The following MCHR2 variants were observed in gnomAD, a reference collection of about 807,000 sequenced individuals.
MCHR2 encodes the protein melanin concentrating hormone receptor 2.
Under a neutral mutation model 24.8 loss-of-function variants are expected in MCHR2, and 15 were observed. That is an observed-to-expected ratio of 0.60 (90% confidence interval 0.40 to 0.93). MCHR2 has a LOEUF of 0.93. Among genes scored for constraint, MCHR2 ranks in the 40% least tolerant of loss-of-function variants. The pLI, the probability that MCHR2 is intolerant of heterozygous loss-of-function variation, is 0.00. For missense variants in MCHR2, 386 were observed against 408.7 expected, an observed-to-expected ratio of 0.94 and a Z score of 0.48; for synonymous variants, 151 against 147.6, an observed-to-expected ratio of 1.02 and a Z score of -0.17.
chr6:99,971,892 T>C (rs1320930772), intron 1 of MCHR2, among the ~76,000 whole-genome samples: 1 of 152,218 alleles, frequency 6.6e-6, no homozygotes, highest in Non-Finnish European at 1.5e-5. Context: ...GAACCAGCCT[T>C]GCATCCCAGG....
intron 1 of MCHR2, among the ~76,000 whole-genome samples, chr6:99,972,212 G>A (rs1486073774): frequency 6.6e-6 from 1 of 152,172 alleles, no homozygotes; most frequent in African/African-American, 2.4e-5. Context: ...TGGTTGGTAA[G>A]CTATTGATTA....
chr6:99,969,277 C>T (rs1246755294), intron 1 of MCHR2, among the ~76,000 whole-genome samples: 3 of 151,764 alleles, frequency 2.0e-5, no homozygotes, highest in Non-Finnish European at 4.4e-5. Context: ...AGTTCAAGAC[C>T]AGCCTGGCCA....
chr6:99,984,951 C>A (rs1363342744), intron 1 of MCHR2, among the ~76,000 whole-genome samples: 1 of 152,016 alleles, frequency 6.6e-6, no homozygotes, highest in East Asian at 1.9e-4. Flanking sequence ...GAAGAGACTC[C>A]TAGAGTTGAT....
chr6:99,921,357 T>A, intron 5 of MCHR2, 102 bp from the exon 6 acceptor site: 1 of 959,558 alleles, frequency 1.0e-6, no homozygotes, highest in Non-Finnish European at 1.5e-6. Flanking sequence ...GGCTTTGTAG[T>A]GAAATATGAA....
intron 1 of MCHR2, among the ~76,000 whole-genome samples, chr6:99,970,583 A>G (rs1029753145): frequency 1.3e-5 from 2 of 152,052 alleles, no homozygotes; most frequent in Non-Finnish European, 2.9e-5. Context: ...CCATTTGTCA[A>G]TTTTGGCTTT....
intron 5 of MCHR2, among the ~76,000 whole-genome samples, chr6:99,927,518 G>C (rs1774395231): frequency 6.6e-6 from 1 of 152,140 alleles, no homozygotes; most frequent in Non-Finnish European, 1.5e-5. Context: ...TCATTGGGCA[G>C]TGGTTTGTAG....
intron 3 of MCHR2, among the ~76,000 whole-genome samples, chr6:99,945,024 T>G (rs1272192036): frequency 6.6e-6 from 1 of 152,170 alleles, no homozygotes; most frequent in African/African-American, 2.4e-5. Context: ...TAGGGAAGAC[T>G]TCTCTGACCA....
At chr6:99,924,633 A>G (rs1023655282) in intron 5 of MCHR2, among the ~76,000 whole-genome samples, 5 of 152,008 alleles carry the variant, frequency 3.3e-5, no homozygotes, top group African/African-American at 1.2e-4. Context: ...GAAATTTTTC[A>G]ACTTCCTTAA....
chr6:99,931,954 G>A (rs1435855376), intron 5 of MCHR2, among the ~76,000 whole-genome samples: 5 of 152,088 alleles, frequency 3.3e-5, no homozygotes, highest in African/African-American at 7.2e-5. Context: ...GCTGTAGACC[G>A]GAGCTGTTCC....
intron 1 of MCHR2, among the ~76,000 whole-genome samples, chr6:99,958,812 TG>T (rs1438808600): frequency 6.6e-6 from 1 of 152,166 alleles, no homozygotes; most frequent in Non-Finnish European, 1.5e-5. Context: ...GGCTTCTCCC[TG>T]GGGAGAGAGA....
At chr6:99,939,437 G>T (rs1404840739) in intron 4 of MCHR2, among the ~76,000 whole-genome samples, 1 of 151,762 alleles carries the variant, frequency 6.6e-6, no homozygotes, top group Non-Finnish European at 1.5e-5. Context: ...TTACATCAAA[G>T]AAAAAAGTGG....
intron 1 of MCHR2, among the ~76,000 whole-genome samples, chr6:99,956,988 G>A (rs573966708): frequency 2.6e-5 from 4 of 152,038 alleles, no homozygotes; most frequent in South Asian, 2.1e-4. Context: ...GTGTGTCTGC[G>A]TGTGTGTATA....
chr6:99,966,559 G>A (rs925206543), intron 1 of MCHR2, among the ~76,000 whole-genome samples: 1 of 152,120 alleles, frequency 6.6e-6, no homozygotes, highest in Non-Finnish European at 1.5e-5. Context: ...GTGTATGGCT[G>A]CTAAACTTGA....
intron 5 of MCHR2, among the ~76,000 whole-genome samples, chr6:99,922,791 T>C (rs1774266267): frequency 1.3e-5 from 2 of 152,312 alleles, no homozygotes; most frequent in South Asian, 4.1e-4. Flanking sequence ...TTGGTTACCA[T>C]AGATCTGTAG....
intron 1 of MCHR2, among the ~76,000 whole-genome samples, chr6:99,978,908 G>A (rs1775612657): frequency 6.6e-6 from 1 of 152,172 alleles, no homozygotes; most frequent in African/African-American, 2.4e-5. Context: ...TTGGAGTACA[G>A]GCAGGGAAAG....
intron 1 of MCHR2, among the ~76,000 whole-genome samples, chr6:99,963,924 C>T (rs1016250410): frequency 6.6e-6 from 1 of 151,956 alleles, no homozygotes; most frequent in African/African-American, 2.4e-5. Context: ...ACTATCTATA[C>T]AAACCTATAA....
At chr6:99,959,358 T>A (rs1318193391) in intron 1 of MCHR2, among the ~76,000 whole-genome samples, 3 of 151,934 alleles carry the variant, frequency 2.0e-5, no homozygotes. Context: ...CCCCTGAATC[T>A]GTAGCTATGC....
At chr6:99,983,205 A>C (rs1264520012) in intron 1 of MCHR2, among the ~76,000 whole-genome samples, 1 of 152,106 alleles carries the variant, frequency 6.6e-6, no homozygotes, top group African/African-American at 2.4e-5. Context: ...TCCTGGGCTC[A>C]AGTGATCCTC....
intron 4 of MCHR2, among the ~76,000 whole-genome samples, chr6:99,936,633 A>G (rs544266847): frequency 1.1e-4 from 17 of 151,934 alleles, no homozygotes; most frequent in Admixed American, 7.2e-4. Flanking sequence ...TGATGCCTCT[A>G]GCTTTGTTCT....
Sources: allele counts gnomAD v4.1 joint callset (sites outside exome capture counted in the v4.1 genomes callset), GRCh38; gene constraint gnomAD v4.1.1; transcripts MANE v1.5; gene names NCBI Gene and HGNC (gene_info 2026-07-23, HGNC 2026-07-21).